Variants in ANKS6 observed in about 807,000 individuals in gnomAD.
ANKS6 encodes ankyrin repeat and SAM domain-containing protein 6.
In ANKS6, 47 loss-of-function variants were observed where a neutral mutation model predicts 77.9. The observed-to-expected ratio is 0.60, with a 90% CI of 0.48 to 0.77. The LOEUF (loss-of-function observed/expected upper bound fraction) is 0.77. ANKS6 is among the 30% of genes least tolerant of loss of function. The pLI is 0.00. For synonymous variants in ANKS6, 488 were observed against 501.7 expected (o/e 0.97, Z 0.37); for missense variants, 1,150 against 1,159.1 (o/e 0.99, Z 0.11).
At chr9:98,792,194 C>T (rs1238219318) in intron 1 of ANKS6, among the ~76,000 whole-genome samples, 3 of 152,108 alleles carry the variant, frequency 2.0e-5, no homozygotes, top group Non-Finnish European at 4.4e-5. Flanking sequence ...AGAGGACTCT[C>T]CTGTCCTCAT....
chr9:98,790,084 CG>C lies in ANKS6; in HGVS notation c.862+19del. 6.5e-7 allele frequency: 1 copy of C among 1,537,670 alleles called. No homozygotes were observed. The highest frequency in any genetic ancestry group is 8.8e-7 in the Non-Finnish European group (1 of 1,136,356). On this transcript the variant is annotated intron_variant, in intron 2 of 14. Transcript: ENST00000353234. The stretch of plus-strand genomic sequence containing the variant: ...CAATTTGGGGTCCTCTGTGAAGCCA[CG>C]GGGGGCATGCAGCCTGACCTGTTTT...
At chr9:98,757,131 C>A (rs187406139) in intron 11 of ANKS6, among the ~76,000 whole-genome samples, 79 of 152,316 alleles carry the variant, frequency 5.2e-4, no homozygotes, top group African/African-American at 1.9e-3. Flanking sequence ...ACAGAGAGAA[C>A]AGAGTTCCCA....
At position 98,796,161 on chromosome 9, in the gene ANKS6, C is replaced by T; in HGVS notation, c.331G>A (p.Gly111Ser). 6 of 1,413,420 alleles carry T rather than the reference C, an allele frequency of 4.2e-6. No individual in the cohort carries two copies. The highest frequency in any genetic ancestry group is 5.5e-6 in the Non-Finnish European group (6 of 1,084,468). 87.6% of individuals were successfully genotyped at this position (1,413,420 alleles called of 1,614,324 possible). ...GASVNSRNHY[G>S]WSALMQAARF... The stretch of plus-strand genomic sequence containing the variant: ...GCCGCCTGCATGAGCGCGCTCCAGC[C>T]GTAGTGGTTGCGGCTGTTGACCGAG... Residue 111 changes from glycine (G) to serine (S), a missense_variant, in exon 1 of 15, where the codon GGC becomes AGC. Gly to Ser is a moderately conservative substitution (Grantham distance 56). Coordinates refer to ENST00000353234, the MANE Select transcript of ANKS6 (RefSeq NM_173551.5).
rs536288324 is a variant in ANKS6 at position 98,791,000 on chromosome 9, T to A, written c.360-394A>T. ...AACATCACATCAATGTTAGCGATTGTTAGGTATTATAATTGTTCATGTTAC... is the reference window on the plus strand; with the variant it reads ...AACATCACATCAATGTTAGCGATTGATAGGTATTATAATTGTTCATGTTAC... On this transcript the variant is annotated intron_variant, in intron 1 of 14. Transcript: ENST00000353234. Among the ~76,000 whole-genome samples, 3 of 152,314 alleles carry A rather than the reference T, an allele frequency of 2.0e-5. No homozygotes were observed. In the South Asian group the frequency reaches 6.2e-4, roughly 32 times the overall value.
Position 98,732,594 on chromosome 9 carries a change from G to C in ANKS6, c.*3925C>G, listed in dbSNP as rs1376002552. 2 of 1,550,388 alleles carry C rather than the reference G, an allele frequency of 1.3e-6. No individual in the cohort carries two copies. ...AGGGAGAGAAGAAAGAGAGATGAGA[G>C]ATGAAAGGATTTAAAATGGGCAACC... is the stretch of plus-strand genomic sequence containing the variant. On this transcript the variant is annotated 3_prime_UTR_variant, in exon 15 of 15. Coordinates refer to ENST00000353234, the MANE Select transcript of ANKS6 (RefSeq NM_173551.5).
chr9:98,759,283 A>C (rs1156910598), intron 11 of ANKS6, among the ~76,000 whole-genome samples: 1 of 152,100 alleles, frequency 6.6e-6, no homozygotes, highest in African/African-American at 2.4e-5. Context: ...AAAATAAACT[A>C]TTTTTCCTCT....
In ANKS6 at chr9:98,733,767, C is replaced by T. The variant is rs370495904; in HGVS notation, c.*2752G>A. 35 of 985,482 alleles carry T rather than the reference C, an allele frequency of 3.6e-5. No homozygotes were observed. In the East Asian group the frequency reaches 2.6e-3, roughly 74 times the overall value. The allele number at this position is 985,482 out of a possible 1,614,324, so 61.0% of individuals were successfully genotyped here. ...CTGTAGCAAAGATGATCGTGTAGCT[C>T]GCTTTAGTGTCTGCCAAACCTACTC... On this transcript the variant is annotated 3_prime_UTR_variant, in exon 15 of 15. Coordinates refer to ENST00000353234, the MANE Select transcript of ANKS6 (RefSeq NM_173551.5).
chr9:98,790,131 G>A lies in ANKS6; in HGVS notation c.835C>T (p.Pro279Ser), dbSNP rs774941106. Residue 279 changes from proline to serine, a missense_variant, in exon 2 of 15, where the codon CCG becomes TCG. Pro to Ser is a moderately conservative substitution (Grantham distance 74). Coordinates refer to ENST00000353234, the MANE Select transcript of ANKS6 (RefSeq NM_173551.5). Reference sequence around the variant, plus strand: ...GTTTTGGGCCTGACGGTGGTCAGCGGGTCCAGGTAGTCTACAAGGTCCCTG... The same window carrying A: ...GTTTTGGGCCTGACGGTGGTCAGCGAGTCCAGGTAGTCTACAAGGTCCCTG... ...KHRDLVDYLD[P>S]LTTVRPKTDE... The A allele has an allele frequency of 1.3e-6, 2 of 1,574,906 alleles. No individual in the cohort carries two copies. Among genetic ancestry groups the A allele is most frequent in the Non-Finnish European group, 1.7e-6 (2 of 1,152,488 alleles).
chr9:98,759,632 T>C (rs1485625110), intron 11 of ANKS6, among the ~76,000 whole-genome samples: 1 of 152,208 alleles, frequency 6.6e-6, no homozygotes, highest in Non-Finnish European at 1.5e-5. Context: ...TACTTACATT[T>C]ATGGGTTTAT....
chr9:98,737,210 C>T (rs1364567578), intron 14 of ANKS6, among the ~76,000 whole-genome samples: 1 of 152,152 alleles, frequency 6.6e-6, no homozygotes, highest in Non-Finnish European at 1.5e-5. Context: ...GCATTCCAGG[C>T]TCGGAGGCAG....
At chr9:98,747,713 G>A (rs1200479261) in intron 13 of ANKS6, among the ~76,000 whole-genome samples, 1 of 152,060 alleles carries the variant, frequency 6.6e-6, no homozygotes, top group East Asian at 1.9e-4. Context: ...TGCCCTCTTG[G>A]TGAGGGGCCC....
At chr9:98,787,731 T>G (rs950364029) in intron 2 of ANKS6, among the ~76,000 whole-genome samples, 1 of 152,136 alleles carries the variant, frequency 6.6e-6, no homozygotes, top group Non-Finnish European at 1.5e-5. Flanking sequence ...TATGACTATC[T>G]TATGAAAAAA....
At position 98,773,965 on chromosome 9, in the gene ANKS6, C is replaced by A; in HGVS notation, c.1733G>T (p.Arg578Leu). The change falls in exon 9 of 15, where the codon CGT becomes CTT. Residue 578 changes from arginine (R) to leucine (L), a missense_variant. By Grantham distance (102) the Arg-to-Leu change is moderately radical. Transcript: ENST00000353234. ...ELWSSDRSRT[R>L]HNGKADPMKT... Reference sequence around the variant, plus strand: ...CATGGGGTCTGCCTTCCCGTTGTGACGCGTCCGGGACCGATCAGAGCTCCA... The same window carrying A: ...CATGGGGTCTGCCTTCCCGTTGTGAAGCGTCCGGGACCGATCAGAGCTCCA... 6.2e-7 allele frequency: 1 copy of A among 1,600,680 alleles called. No homozygotes were observed. The highest frequency in any genetic ancestry group is 1.1e-5 in the South Asian group (1 of 89,458).
At chr9:98,745,997 A>T (rs1006553958) in intron 13 of ANKS6, 3 of 344,454 alleles carry the variant, frequency 8.7e-6, no homozygotes, top group African/African-American at 6.3e-5. Flanking sequence ...TTAGAAAGGT[A>T]ACTGCAATGT....
At chr9:98,753,413 A>G (rs1385681779) in intron 12 of ANKS6, among the ~76,000 whole-genome samples, 1 of 152,218 alleles carries the variant, frequency 6.6e-6, no homozygotes, top group African/African-American at 2.4e-5. Context: ...TGTGCTACTC[A>G]CAAGATAACG....
At position 98,736,619 on chromosome 9, in the gene ANKS6, C is replaced by A. The variant is rs768088516; in HGVS notation, c.2516G>T (p.Arg839Leu). ...AISELNAGKG[R>L]ERQILQETIH... ...GGTTTCCTGTAAAATTTGTCTCTCG[C>A]GTCCCTGTGGAGGAAATTGAAAACA... is the stretch of plus-strand genomic sequence containing the variant. Residue 839 changes from arginine to leucine, a missense_variant, in exon 15 of 15, where the codon CGC becomes CTC. Transcript: ENST00000353234. 5 of 1,607,716 alleles carry A rather than the reference C, an allele frequency of 3.1e-6. No individual in the cohort carries two copies. The East Asian group carries it at 6.7e-5, about 22-fold the overall frequency.
At chr9:98,749,335 C>G (rs1034025075) in intron 13 of ANKS6, among the ~76,000 whole-genome samples, 8 of 152,236 alleles carry the variant, frequency 5.3e-5, no homozygotes, top group Non-Finnish European at 1.2e-4. Flanking sequence ...CCCTCCCTGA[C>G]CCCAGAGGCT....
intron 12 of ANKS6, among the ~76,000 whole-genome samples, chr9:98,754,625 G>A (rs1564187149): frequency 6.6e-6 from 1 of 151,512 alleles, no homozygotes; most frequent in Admixed American, 6.6e-5. Flanking sequence ...ATGGGTGACA[G>A]AGCAAGCCTC....
At chr9:98,745,709 T>C in intron 13 of ANKS6, 34 bp from the exon 14 acceptor site, 3 of 1,532,884 alleles carry the variant, frequency 2.0e-6, no homozygotes, top group Non-Finnish European at 2.7e-6. Context: ...CACCATCTGC[T>C]GGATGCCACA....
Sources: allele counts gnomAD v4.1 joint callset (sites outside exome capture counted in the v4.1 genomes callset), GRCh38; gene constraint gnomAD v4.1.1; transcripts MANE v1.5; gene names NCBI Gene and HGNC (gene_info 2026-07-23, HGNC 2026-07-21).